The following ARFRP1 variants were observed in gnomAD, a reference collection of about 807,000 sequenced individuals.
The protein encoded by ARFRP1 is ARF related protein 1.
Under a neutral mutation model 30.3 loss-of-function variants are expected in ARFRP1, and 19 were observed. That is an observed-to-expected ratio of 0.63 (90% CI 0.44 to 0.92). The LOEUF is 0.92. Among genes scored for constraint, ARFRP1 ranks in the 40% least tolerant of loss-of-function variants. ARFRP1 has a pLI of 0.00. For synonymous variants in ARFRP1, 133 were observed against 114.2 expected (o/e 1.16, Z -1.05); for missense variants, 245 against 267.5 (o/e 0.92, Z 0.59).
intron 4 of ARFRP1, chr20:63,703,656 C>G (rs2091316658): frequency 6.6e-6 from 1 of 152,358 alleles, no homozygotes; most frequent in Admixed American, 6.5e-5. Flanking sequence ...TCTGTGGAGG[C>G]TGCAGCAAGC....
intron 6 of ARFRP1, chr20:63,701,356 G>C (rs1387584407): frequency 1.9e-6 from 1 of 537,448 alleles, no homozygotes; most frequent in Non-Finnish European, 3.8e-6. Context: ...ACTCAGCGTG[G>C]CCAGTGCTCC....
intron 7 of ARFRP1, 23 bp from the exon 8 acceptor site, chr20:63,700,553 G>T: frequency 6.2e-7 from 1 of 1,610,692 alleles, no homozygotes; most frequent in Non-Finnish European, 8.5e-7. Flanking sequence ...CGGGTGTGAG[G>T]CGGGGGGTCT....
rs2091123783 is a variant in ARFRP1 at position 63,700,127 on chromosome 20, A to G, written c.*316T>C. 2.5e-6 allele frequency: 1 copy of G among 403,464 alleles called. No individual in the cohort carries two copies. The highest frequency in any genetic ancestry group is 4.7e-6 in the Non-Finnish European group (1 of 212,496). 25.0% of individuals were successfully genotyped at this position (403,464 alleles called of 1,614,324 possible). A position where few individuals can be genotyped will look rare whatever the true frequency, so the allele number is the denominator to read the frequency against. On this transcript the variant is annotated 3_prime_UTR_variant, in exon 8 of 8. Transcript: ENST00000622789. ...TCCTCATGCAGCCCAAGCCAGCCTG[A>G]GCACTGGAGCCCCAATTCCCAACCA...
At chr20:63,706,248 A>G in intron 4 of ARFRP1, 109 bp downstream of exon 4, 1 of 1,026,766 alleles carries the variant, frequency 9.7e-7, no homozygotes, top group East Asian at 2.4e-5. Flanking sequence ...AGAAAACCCG[A>G]GGGACAGAGT....
chr20:63,702,019 C>A (rs2091238562), intron 5 of ARFRP1, 117 bp downstream of exon 5: 2 of 1,208,766 alleles, frequency 1.7e-6, no homozygotes, highest in East Asian at 2.5e-5. Flanking sequence ...CCCCGTCACC[C>A]ACTAGGCAGG....
chr20:63,698,804 A>G lies in ARFRP1; in HGVS notation c.*1639T>C, dbSNP rs1364759383. 1 of 436,480 alleles carries G rather than the reference A, an allele frequency of 2.3e-6. No homozygotes were observed. Among genetic ancestry groups the G allele is most frequent in the Non-Finnish European group, 4.0e-6 (1 of 252,698 alleles). The allele number at this position is 436,480 out of a possible 1,614,324, so 27.0% of individuals were successfully genotyped here. A position where few individuals can be genotyped will look rare whatever the true frequency, so the allele number is the denominator to read the frequency against. On this transcript the variant is annotated 3_prime_UTR_variant, in exon 8 of 8. Transcript: ENST00000622789. ...CTGCCCGGGGCTTCCCCTACCTCAG[A>G]CAGACCCTCCCTGGGAGGATCAGTG...
rs774815023 is a variant in ARFRP1 at position 63,700,495 on chromosome 20, T to C, written c.554A>G (p.Lys185Arg). Residue 185 changes from lysine (K) to arginine (R), a missense_variant, in exon 8 of 8, where the codon AAG becomes AGG. Transcript: ENST00000622789. ...CCGGTGCACATTCCGCACGACACAC[T>C]TCACCATCCACTCGATGCCCTCGCG... ...GVREGIEWMV[K>R]CVVRNVHRPP... 4.3e-6 allele frequency: 7 copies of C among 1,610,458 alleles called. No homozygotes were observed. The highest frequency in any genetic ancestry group is 5.9e-6 in the Non-Finnish European group (7 of 1,179,854).
intron 2 of ARFRP1, 108 bp from the exon 3 acceptor site, chr20:63,706,846 A>G (rs1015550311): frequency 1.6e-5 from 20 of 1,271,174 alleles, no homozygotes; most frequent in Admixed American, 3.4e-5. Context: ...ACAGAGCAAC[A>G]CTCTGCTCTT....
At chr20:63,704,757 C>G (rs2091377646) in intron 4 of ARFRP1, 1 of 152,386 alleles carries the variant, frequency 6.6e-6, no homozygotes, top group Non-Finnish European at 1.5e-5. Context: ...CCACTGTATT[C>G]TTGCTTCATG....
rs565279776 is a variant in ARFRP1 at position 63,699,664 on chromosome 20, A to G, written c.*779T>C. 14 of 152,910 alleles carry G rather than the reference A, an allele frequency of 9.2e-5. No homozygotes were observed. The highest frequency in any genetic ancestry group is 3.1e-4 in the African/African-American group (13 of 41,538). The allele number at this position is 152,910 out of a possible 1,614,324, so 9.5% of individuals were successfully genotyped here. A position where few individuals can be genotyped will look rare whatever the true frequency, so the allele number is the denominator to read the frequency against. ...GACCAGCCTTACTCCCGAGCAGGGG[A>G]CACAGGGCCCCACAGAGAACCCCTC... On this transcript the variant is annotated 3_prime_UTR_variant, in exon 8 of 8. Coordinates refer to ENST00000622789, the MANE Select transcript of ARFRP1 (RefSeq NM_001267547.3).
intron 6 of ARFRP1, chr20:63,701,406 C>A: frequency 1.9e-6 from 1 of 528,716 alleles, no homozygotes; most frequent in Admixed American, 2.0e-5. Context: ...GAGGGGCTGC[C>A]CTGGGGGTGG....
intron 6 of ARFRP1, chr20:63,701,044 C>T (rs901080900): frequency 1.5e-5 from 6 of 401,556 alleles, no homozygotes; most frequent in African/African-American, 4.2e-5. Flanking sequence ...CCCACACAGC[C>T]GGGGATGATG....
chr20:63,700,056 T>A lies in ARFRP1; in HGVS notation c.*387A>T. On this transcript the variant is annotated 3_prime_UTR_variant, in exon 8 of 8. Coordinates refer to ENST00000622789, the MANE Select transcript of ARFRP1 (RefSeq NM_001267547.3). ...CATGGCTGACGGGCCTCCTCCTCGA[T>A]GGGGCGGAGACAGCCACGGGGTCTC... 3.8e-6 allele frequency: 1 copy of A among 264,866 alleles called. No homozygotes were observed. The highest frequency in any genetic ancestry group is 7.4e-6 in the Non-Finnish European group (1 of 134,324). The allele number at this position is 264,866 out of a possible 1,614,324, so 16.4% of individuals were successfully genotyped here.
chr20:63,706,222 TG>T, intron 4 of ARFRP1, 134 bp downstream of exon 4: 1 of 828,256 alleles, frequency 1.2e-6, no homozygotes, highest in Non-Finnish European at 2.0e-6. Flanking sequence ...CTCGGGAACC[TG>T]GGACAGGACC....
intron 1 of ARFRP1, 121 bp from the exon 2 acceptor site, chr20:63,707,218 C>T: frequency 3.8e-6 from 3 of 780,178 alleles, no homozygotes; most frequent in Middle Eastern, 2.3e-4. Context: ...GCCTGGGGGC[C>T]ATTCCCGACT....
chr20:63,706,756 G>C lies in ARFRP1; in HGVS notation c.94-18C>G. 1 of 1,580,232 alleles carries C rather than the reference G, an allele frequency of 6.3e-7. No individual in the cohort carries two copies. The highest frequency in any genetic ancestry group is 8.7e-7 in the Non-Finnish European group (1 of 1,149,344). Reference sequence around the variant, plus strand: ...AGGAAGGTCTGAGGAGAGAGGCAGAGGCGAAACACATCAAGGAGGGGCTAT... The same window carrying C: ...AGGAAGGTCTGAGGAGAGAGGCAGACGCGAAACACATCAAGGAGGGGCTAT... On this transcript the variant is annotated intron_variant, in intron 2 of 7. Transcript: ENST00000622789.
rs545364883 is a variant in ARFRP1, at chr20:63,702,460, G to A, written c.265-243C>T. The A allele has an allele frequency of 3.3e-4, 180 of 544,798 alleles. 3 individuals are homozygous for A. The highest frequency in any genetic ancestry group is 2.7e-3 in the South Asian group (129 of 47,846). The allele number at this position is 544,798 out of a possible 1,614,324, so 33.7% of individuals were successfully genotyped here. On this transcript the variant is annotated intron_variant, in intron 4 of 7. Coordinates refer to ENST00000622789, the MANE Select transcript of ARFRP1 (RefSeq NM_001267547.3). ...GGCCTGATGGTGGCCAAAGGTGAAA[G>A]ACAGGGATTGGGCCAGGCGTGGTGG...
rs1325046208 is a variant in ARFRP1 at position 63,700,068 on chromosome 20, AG to A, written c.*374del. On this transcript the variant is annotated 3_prime_UTR_variant, in exon 8 of 8. Transcript: ENST00000622789. Reference sequence around the variant, plus strand: ...GCCTCCTCCTCGATGGGGCGGAGACAGCCACGGGGTCTCCCGAGGGTCCCAC... The same window carrying A: ...GCCTCCTCCTCGATGGGGCGGAGACACCACGGGGTCTCCCGAGGGTCCCAC... 1 of 298,680 alleles carries A rather than the reference AG, an allele frequency of 3.3e-6. No homozygotes were observed. The highest frequency in any genetic ancestry group is 6.5e-6 in the Non-Finnish European group (1 of 153,616). The allele number at this position is 298,680 out of a possible 1,614,324, so 18.5% of individuals were successfully genotyped here.
chr20:63,700,178 G>A lies in ARFRP1; in HGVS notation c.*265C>T. 2.0e-6 allele frequency: 1 copy of A among 490,040 alleles called. No homozygotes were observed. The highest frequency in any genetic ancestry group is 3.7e-6 in the Non-Finnish European group (1 of 268,228). The allele number at this position is 490,040 out of a possible 1,614,324, so 30.4% of individuals were successfully genotyped here. The stretch of plus-strand genomic sequence containing the variant: ...GGTCTCCCTCAGACCCCCCAGAAAG[G>A]GCCTCGAAAGGCCGCCGCTGCGCCC... On this transcript the variant is annotated 3_prime_UTR_variant, in exon 8 of 8. Coordinates refer to ENST00000622789, the MANE Select transcript of ARFRP1 (RefSeq NM_001267547.3).
Sources: allele counts gnomAD v4.1 joint callset, GRCh38; gene constraint gnomAD v4.1.1; transcripts MANE v1.5; gene names NCBI Gene and HGNC (gene_info 2026-07-23, HGNC 2026-07-21).